Variants in AUNIP observed in about 807,000 individuals in gnomAD.
AUNIP encodes aurora kinase A and ninein interacting protein.
Under a neutral mutation model 12.2 loss-of-function variants are expected in AUNIP, and 16 were observed. The observed-to-expected ratio is 1.31, with a 90% confidence interval of 0.88 to 1.99. The LOEUF (loss-of-function observed/expected upper bound fraction) is 1.99. Ranked by LOEUF, AUNIP falls within the 30% of genes most tolerant of loss-of-function variation. The pLI is 0.00. For synonymous variants in AUNIP, 142 were observed against 154.8 expected (o/e 0.92, Z 0.61); for missense variants, 411 against 419.1 (o/e 0.98, Z 0.17).
At chr1:25,852,935 T>A (rs2048433943) in intron 1 of AUNIP, among the ~76,000 whole-genome samples, 1 of 152,236 alleles carries the variant, frequency 6.6e-6, no homozygotes, top group Non-Finnish European at 1.5e-5. Flanking sequence ...AACCTATTTG[T>A]GGATTTTCTA....
intron 1 of AUNIP, among the ~76,000 whole-genome samples, chr1:25,848,768 TGGATATCAAGGCTCAGTTAA>T (rs2048405068): frequency 6.6e-6 from 1 of 152,210 alleles, no homozygotes; most frequent in South Asian, 2.1e-4. Flanking sequence ...AAAACAACTC[TGGATATCAAGGCTCAGTTAA>T]GCTTCCATGA....
intron 1 of AUNIP, 35 bp downstream of exon 1, chr1:25,859,245 G>T: frequency 6.4e-7 from 1 of 1,555,726 alleles, no homozygotes; most frequent in South Asian, 1.2e-5. Context: ...GGCCCTACCT[G>T]GTTCCCAACG....
At chr1:25,842,423 T>C (rs76520128) in intron 1 of AUNIP, among the ~76,000 whole-genome samples, 4 of 151,998 alleles carry the variant, frequency 2.6e-5, no homozygotes, top group Admixed American at 6.6e-5. Flanking sequence ...GTTCATGAGG[T>C]TGAAGGAAAA....
chr1:25,832,341 A>ATGAC, downstream of AUNIP: 1 of 649,540 alleles, frequency 1.5e-6, no homozygotes, highest in Non-Finnish European at 2.6e-6. Context: ...TAGGTCCTAA[A>ATGAC]TGACTGACTT....
At chr1:25,836,788 GGA>G (rs1238905598) in intron 2 of AUNIP, among the ~76,000 whole-genome samples, 2 of 152,034 alleles carry the variant, frequency 1.3e-5, no homozygotes, top group Non-Finnish European at 2.9e-5. Flanking sequence ...TTTGGAGGAG[GGA>G]GAGGGCATTT....
intron 1 of AUNIP, among the ~76,000 whole-genome samples, chr1:25,846,713 G>A (rs762981189): frequency 2.0e-5 from 3 of 152,214 alleles, no homozygotes; most frequent in African/African-American, 4.8e-5. Flanking sequence ...GCGAGACTCC[G>A]TCTCAAAAAA....
intron 1 of AUNIP, among the ~76,000 whole-genome samples, chr1:25,845,666 C>T (rs2048378438): frequency 6.6e-6 from 1 of 152,184 alleles, no homozygotes; most frequent in Non-Finnish European, 1.5e-5. Context: ...CTGCACAGAA[C>T]TTAATATAGC....
chr1:25,842,391 A>T (rs1475410133), intron 1 of AUNIP, among the ~76,000 whole-genome samples: 1 of 152,244 alleles, frequency 6.6e-6, no homozygotes, highest in Non-Finnish European at 1.5e-5. Context: ...ACAGAAGAAA[A>T]GTTTGAAGCT....
rs75641767 is a variant in AUNIP, at chr1:25,838,502, C to CA, written c.79-949dup. Among the ~76,000 whole-genome samples, 309 of 119,002 alleles carry CA rather than the reference C, an allele frequency of 2.6e-3. 1 individual carries two copies. The highest frequency in any genetic ancestry group is 6.3e-3 in the African/African-American group (199 of 31,742). 78.1% of individuals were successfully genotyped at this position (119,002 alleles called of 152,430 possible). ...TGGGCGACAGAGCAAGACTCCGTTTCAAAAAAAAAAAAGGAAAAAAGAAAA... is the reference window on the plus strand; with the variant it reads ...TGGGCGACAGAGCAAGACTCCGTTTCAAAAAAAAAAAAAGGAAAAAAGAAAA... On this transcript the variant is annotated intron_variant, in intron 1 of 2. Transcript: ENST00000374298.
At chr1:25,849,043 G>C (rs1335917886) in intron 1 of AUNIP, among the ~76,000 whole-genome samples, 1 of 152,096 alleles carries the variant, frequency 6.6e-6, no homozygotes, top group African/African-American at 2.4e-5. Context: ...TGGTTCTGGG[G>C]ACCCCCAAAC....
chr1:25,857,580 C>T (rs1413375598), intron 1 of AUNIP, among the ~76,000 whole-genome samples: 1 of 149,308 alleles, frequency 6.7e-6, no homozygotes, highest in Non-Finnish European at 1.5e-5. Flanking sequence ...ATAAAACAAT[C>T]GGCCAGGCAC....
At chr1:25,848,460 CAA>C (rs869163603) in intron 1 of AUNIP, among the ~76,000 whole-genome samples, 1 of 27,754 alleles carries the variant, frequency 3.6e-5, no homozygotes. Flanking sequence ...CCAGCCCGGG[CAA>C]AAATTTTTGA....
At chr1:25,843,185 A>AAATATATATAT (rs1553123796) in intron 1 of AUNIP, among the ~76,000 whole-genome samples, 1 of 124,956 alleles carries the variant, frequency 8.0e-6, no homozygotes, top group Non-Finnish European at 1.7e-5. Context: ...AAAAAAAAAA[A>AAATATATATAT]ATATATATAT....
In AUNIP at chr1:25,835,643, G is replaced by A. The variant is rs758505733; in HGVS notation, c.424C>T (p.His142Tyr). ...LSPQSLQTSG[H>Y]HRMKTPFSTE... ...GAAAATGGGGTTTTCATTCTGTGGT[G>A]GCCAGAAGTCTGGAGGGACTGAGGA... Residue 142 changes from histidine (H) to tyrosine (Y), a missense_variant, in exon 3 of 3, where the codon CAC becomes TAC. By Grantham distance (83) the His-to-Tyr change is moderately conservative. Coordinates refer to ENST00000374298, the MANE Select transcript of AUNIP (RefSeq NM_024037.3). 6.2e-7 allele frequency: 1 copy of A among 1,614,248 alleles called. No individual in the cohort carries two copies. The highest frequency in any genetic ancestry group is 1.1e-5 in the South Asian group (1 of 91,090).
chr1:25,848,305 C>A (rs568739975), intron 1 of AUNIP, among the ~76,000 whole-genome samples: 47 of 151,988 alleles, frequency 3.1e-4, no homozygotes, highest in African/African-American at 1.1e-3. Context: ...CACAGTAAGA[C>A]CCCGTCTCTA....
At chr1:25,832,312 C>A (rs554957964), downstream of AUNIP, 2 of 851,734 alleles carry the variant, frequency 2.3e-6, no homozygotes, top group Non-Finnish European at 3.6e-6. Flanking sequence ...TCTGGTTTTT[C>A]CTTGCCCCTG....
chr1:25,838,376 G>A (rs372679624), intron 1 of AUNIP, among the ~76,000 whole-genome samples: 17 of 152,108 alleles, frequency 1.1e-4, no homozygotes, highest in African/African-American at 1.2e-4. Context: ...GGTGGCAAGC[G>A]CCTGTAGCCC....
chr1:25,851,155 T>A (rs1266463093), intron 1 of AUNIP, among the ~76,000 whole-genome samples: 2 of 152,240 alleles, frequency 1.3e-5, no homozygotes, highest in African/African-American at 4.8e-5. Context: ...TCTTTTATGC[T>A]ATTAGTATGG....
chr1:25,846,663 C>T (rs939699492), intron 1 of AUNIP, among the ~76,000 whole-genome samples: 11 of 151,980 alleles, frequency 7.2e-5, no homozygotes, highest in Admixed American at 6.5e-5. Context: ...ACAGTGGTTG[C>T]GGTGAGATCG....
Sources: allele counts gnomAD v4.1 joint callset (sites outside exome capture counted in the v4.1 genomes callset), GRCh38; gene constraint gnomAD v4.1.1; transcripts MANE v1.5; gene names NCBI Gene and HGNC (gene_info 2026-07-23, HGNC 2026-07-21).